The following ABCC12 variants were observed in gnomAD, a reference collection of about 807,000 sequenced individuals.
ABCC12 encodes the protein ATP binding cassette subfamily C member 12.
Under a neutral mutation model 151.1 loss-of-function variants are expected in ABCC12, and 142 were observed. That is an observed-to-expected ratio of 0.94 (90% CI 0.82 to 1.08). The LOEUF (loss-of-function observed/expected upper bound fraction) is 1.08, where lower values mean the gene tolerates loss of function less well. Among genes scored for constraint, ABCC12 ranks in the 50% least tolerant of loss-of-function variants. The pLI is 0.00. For missense variants in ABCC12, 1,638 were observed against 1,691.1 expected, an observed-to-expected ratio of 0.97 and a Z score of 0.55; for synonymous variants, 645 against 646.4, an observed-to-expected ratio of 1.00 and a Z score of 0.03.
chr16:48,088,560 C>G lies in ABCC12; in HGVS notation c.3460G>C (p.Gly1154Arg), dbSNP rs763768779. The G allele has an allele frequency of 9.3e-6, 15 of 1,613,710 alleles. No individual in the cohort carries two copies. The Admixed American group carries it at 2.5e-4, about 27-fold the overall frequency. Residue 1154 changes from glycine (G) to arginine (R), a missense_variant, in exon 26 of 31, where the codon GGA becomes CGA. Transcript: ENST00000311303. ...TTGTCCTCACCGGAACCTGTTCTTC[C>G]AACAATCCCGACTGTCTGCCCACTT... Reference protein sequence around the residue: ...IQSGQTVGIVGRTGSGKSSLG... With the variant: ...IQSGQTVGIVRRTGSGKSSLG...
chr16:48,132,903 C>T (rs1964476948), intron 9 of ABCC12, among the ~76,000 whole-genome samples: 1 of 152,146 alleles, frequency 6.6e-6, no homozygotes, highest in African/African-American at 2.4e-5. Flanking sequence ...CAGAGAGGCT[C>T]AATGATTTGC....
chr16:48,124,634 C>T (rs1964181551), intron 11 of ABCC12, among the ~76,000 whole-genome samples: 1 of 152,186 alleles, frequency 6.6e-6, no homozygotes, highest in Admixed American at 6.5e-5. Context: ...TCCAGAAAAG[C>T]AAATCTAATG....
At chr16:48,150,711 G>A (rs1294529077) in intron 2 of ABCC12, among the ~76,000 whole-genome samples, 1 of 152,078 alleles carries the variant, frequency 6.6e-6, no homozygotes, top group Non-Finnish European at 1.5e-5. Flanking sequence ...TTGTTATTAG[G>A]ATGTTGTTGC....
rs907923222 is a variant in ABCC12 at position 48,132,929 on chromosome 16, C to G, written c.1128+758G>C. ...AATGATTTGCTATAAGTCATAGCTA[C>G]TAAGTAGCAGAGTCTGGATTTAAAC... On this transcript the variant is annotated intron_variant, in intron 9 of 30. Coordinates refer to ENST00000311303, the MANE Select transcript of ABCC12 (RefSeq NM_001393797.1). Among the ~76,000 whole-genome samples, 30 of 152,194 alleles carry G rather than the reference C, an allele frequency of 2.0e-4. 1 individual carries two copies. Among genetic ancestry groups the G allele is most frequent in the Non-Finnish European group, 3.8e-4 (26 of 68,038 alleles).
chr16:48,149,134 A>C (rs1168478557), intron 2 of ABCC12, among the ~76,000 whole-genome samples: 3 of 152,022 alleles, frequency 2.0e-5, no homozygotes, highest in Non-Finnish European at 4.4e-5. Flanking sequence ...ATAACAAATA[A>C]AGTATAAATT....
chr16:48,126,287 C>G (rs1320592394), intron 11 of ABCC12, among the ~76,000 whole-genome samples: 1 of 152,178 alleles, frequency 6.6e-6, no homozygotes, highest in Non-Finnish European at 1.5e-5. Context: ...AGTAAGAAGC[C>G]TTCTAGATTC....
At position 48,133,787 on chromosome 16, in the gene ABCC12, T is replaced by C. The variant is rs754876175; in HGVS notation, c.1028A>G (p.Gln343Arg). 1 of 1,614,180 alleles carries C rather than the reference T, an allele frequency of 6.2e-7. No individual in the cohort carries two copies. The highest frequency in any genetic ancestry group is 1.1e-5 in the South Asian group (1 of 91,076). Residue 343 changes from glutamine to arginine, a missense_variant, in exon 9 of 31, where the codon CAA becomes CGA. Coordinates refer to ENST00000311303, the MANE Select transcript of ABCC12 (RefSeq NM_001393797.1). The part of the protein sequence containing the change: ...RKLLEKAGFV[Q>R]SGNSALAPIV... ...GGGGGCCAGGGCAGAGTTTCCACTT[T>C]GGACAAATCCAGCTTTTTCCAGTAA...
chr16:48,115,558 C>A lies in ABCC12; in HGVS notation c.1846G>T (p.Ala616Ser), dbSNP rs569747930. 10 of 1,614,184 alleles carry A rather than the reference C, an allele frequency of 6.2e-6. No individual in the cohort carries two copies. The highest frequency in any genetic ancestry group is 2.2e-5 in the East Asian group (1 of 44,880). ...GQRQRISLAR[A>S]VYSDRQLYLL... ...TAGAGCTGACGGTCGGAGTAGACAG[C>A]GCGGGCCAGGCTAATCCTCTGCCTC... Residue 616 changes from alanine to serine, a missense_variant, in exon 15 of 31, where the codon GCT becomes TCT. Coordinates refer to ENST00000311303, the MANE Select transcript of ABCC12 (RefSeq NM_001393797.1).
At chr16:48,102,965 G>A (rs1006597546) in intron 22 of ABCC12, among the ~76,000 whole-genome samples, 1 of 152,122 alleles carries the variant, frequency 6.6e-6, no homozygotes, top group Non-Finnish European at 1.5e-5. Context: ...TGCTGCCTAC[G>A]TCTGGTCCTC....
Position 48,091,933 on chromosome 16 carries a change from G to A in ABCC12, c.3196-724C>T, listed in dbSNP as rs1962914646. On this transcript the variant is annotated intron_variant, in intron 24 of 30. Coordinates refer to ENST00000311303, the MANE Select transcript of ABCC12 (RefSeq NM_001393797.1). ...ATATCATCCTGGATCACCTGGGTGG[G>A]TCCTAAGTCCAGTGATAAGTGTCAT... Among the ~76,000 whole-genome samples the A allele has an allele frequency of 2.6e-5, 4 of 152,200 alleles. No individual in the cohort carries two copies. The South Asian group carries it at 8.3e-4, about 32-fold the overall frequency.
rs779629498 is a variant in ABCC12 at position 48,084,023 on chromosome 16, G to A, written c.3879C>T (p.Thr1293=). The A allele has an allele frequency of 3.1e-6, 5 of 1,612,604 alleles. No individual in the cohort carries two copies. The East Asian group carries it at 8.9e-5, about 29-fold the overall frequency. ...ATASMDSKTD[T]LVQNTIKDAF... ...CATCTTTGATGGTGTTCTGAACCAG[G>A]GTGTCAGTCTTGGAGTCCATAGAGG... Residue 1293 remains threonine, a synonymous_variant, in exon 30 of 31, where the codon ACC becomes ACT. Coordinates refer to ENST00000311303, the MANE Select transcript of ABCC12 (RefSeq NM_001393797.1).
Position 48,085,612 on chromosome 16 carries a change from G to A in ABCC12, c.3809C>T (p.Ala1270Val), listed in dbSNP as rs1336927691. Residue 1270 changes from alanine (A) to valine (V), a missense_variant, in exon 29 of 31, where the codon GCT becomes GTT. Transcript: ENST00000311303. ...GERQLLCVAR[A>V]LLRNSKIILL... ...TCTTACCTTTGAATTACGGAGAAGA[G>A]CTCGGGCCACACAAAGCAGCTGACG... The A allele has an allele frequency of 1.2e-6, 2 of 1,614,060 alleles. No homozygotes were observed. The highest frequency in any genetic ancestry group is 8.5e-7 in the Non-Finnish European group (1 of 1,179,962).
At position 48,115,316 on chromosome 16, in the gene ABCC12, T is replaced by C. The variant is rs925247227; in HGVS notation, c.1989+99A>G. 3.7e-6 allele frequency: 5 copies of C among 1,354,844 alleles called. No individual in the cohort carries two copies. The African/African-American group carries it at 7.3e-5, about 20-fold the overall frequency. 83.9% of individuals were successfully genotyped at this position (1,354,844 alleles called of 1,614,324 possible). A position where few individuals can be genotyped will look rare whatever the true frequency, so the allele number is the denominator to read the frequency against. Reference sequence around the variant, plus strand: ...CTGGCTCCCTCCCCACATTCCCAGCTGAAGACAGGCAGATATAGGCAGAAG... The same window carrying C: ...CTGGCTCCCTCCCCACATTCCCAGCCGAAGACAGGCAGATATAGGCAGAAG... On this transcript the variant is annotated intron_variant, in intron 15 of 30. Transcript: ENST00000311303.
At chr16:48,117,944 C>T (rs1349088792) in intron 13 of ABCC12, among the ~76,000 whole-genome samples, 3 of 152,312 alleles carry the variant, frequency 2.0e-5, no homozygotes, top group African/African-American at 2.4e-5. Flanking sequence ...GGTGAGGGGG[C>T]GGAATGGGAG....
intron 2 of ABCC12, 63 bp downstream of exon 2, chr16:48,153,553 C>T (rs1965143851): frequency 6.6e-6 from 1 of 152,228 alleles, no homozygotes; most frequent in Admixed American, 6.5e-5. Flanking sequence ...CCTCTCTCAT[C>T]CAGGCTAATC....
At chr16:48,129,313 G>A (rs1964344350) in intron 10 of ABCC12, among the ~76,000 whole-genome samples, 1 of 152,214 alleles carries the variant, frequency 6.6e-6, no homozygotes, top group African/African-American at 2.4e-5. Context: ...GACTGCCAGA[G>A]AAGGGACACT....
At chr16:48,116,682 G>A (rs565743995) in intron 14 of ABCC12, among the ~76,000 whole-genome samples, 1 of 152,280 alleles carries the variant, frequency 6.6e-6, no homozygotes, top group East Asian at 1.9e-4. Flanking sequence ...ACCCCAAACT[G>A]CCTTTCCTCA....
At chr16:48,133,649 A>C in intron 9 of ABCC12, 38 bp downstream of exon 9, 2 of 1,606,224 alleles carry the variant, frequency 1.2e-6, no homozygotes, top group Non-Finnish European at 1.7e-6. Context: ...TGCCGGGGTC[A>C]GGTTGTGAAA....
chr16:48,122,149 G>A (rs1270776208), intron 12 of ABCC12, among the ~76,000 whole-genome samples: 1 of 152,232 alleles, frequency 6.6e-6, no homozygotes, highest in African/African-American at 2.4e-5. Flanking sequence ...AACTACAACA[G>A]GATGTTCTCT....
Sources: allele counts gnomAD v4.1 joint callset (sites outside exome capture counted in the v4.1 genomes callset), GRCh38; gene constraint gnomAD v4.1.1; transcripts MANE v1.5; gene names NCBI Gene and HGNC (gene_info 2026-07-23, HGNC 2026-07-21).